Variants in CDK17 observed in about 807,000 individuals in gnomAD.
The protein encoded by CDK17 is cyclin dependent kinase 17.
Under a neutral mutation model 77.6 loss-of-function variants are expected in CDK17, and 24 were observed. That is an observed-to-expected ratio of 0.31 (90% CI 0.22 to 0.44). CDK17 has a LOEUF of 0.44. Ranked by LOEUF, CDK17 falls within the 20% of genes least tolerant of loss-of-function variation. The probability of loss-of-function intolerance (pLI) is 1.00; values close to 1 mark genes in which losing one functional copy is unlikely to be tolerated. For missense variants in CDK17, 429 were observed against 622.5 expected, an observed-to-expected ratio of 0.69 and a Z score of 3.31; for synonymous variants, 203 against 210.4, an observed-to-expected ratio of 0.96 and a Z score of 0.30.
At chr12:96,304,430 G>A (rs1952550890) in intron 5 of CDK17, among the ~76,000 whole-genome samples, 1 of 152,058 alleles carries the variant, frequency 6.6e-6, no homozygotes, top group Non-Finnish European at 1.5e-5. Context: ...CCAGCTACTC[G>A]GGAGGCTGAG....
At chr12:96,361,687 C>A (rs1244951450) in intron 1 of CDK17, among the ~76,000 whole-genome samples, 1 of 151,962 alleles carries the variant, frequency 6.6e-6, no homozygotes, top group Non-Finnish European at 1.5e-5. Flanking sequence ...AAAGAATGAC[C>A]CTTCTGTCCT....
At chr12:96,287,748 C>T (rs192625494) in intron 11 of CDK17, among the ~76,000 whole-genome samples, 1 of 152,126 alleles carries the variant, frequency 6.6e-6, no homozygotes, top group East Asian at 1.9e-4. Flanking sequence ...TTACAATAGT[C>T]AAAAGGTGGA....
intron 5 of CDK17, among the ~76,000 whole-genome samples, chr12:96,309,076 T>C (rs961394772): frequency 6.6e-6 from 1 of 152,200 alleles, no homozygotes; most frequent in Non-Finnish European, 1.5e-5. Context: ...GTCTTCTCAT[T>C]ACATGGGAAG....
At chr12:96,329,027 G>T (rs994272693) in intron 2 of CDK17, among the ~76,000 whole-genome samples, 2 of 152,128 alleles carry the variant, frequency 1.3e-5, no homozygotes, top group African/African-American at 4.8e-5. Context: ...AATATGCTAA[G>T]GGAAATAAGT....
chr12:96,394,350 G>C (rs1954130170), intron 1 of CDK17, among the ~76,000 whole-genome samples: 2 of 152,050 alleles, frequency 1.3e-5, no homozygotes, highest in Admixed American at 1.3e-4. Flanking sequence ...AAGAATAGTA[G>C]ATTAATATGA....
At chr12:96,300,054 A>G (rs1472801297) in intron 6 of CDK17, among the ~76,000 whole-genome samples, 1 of 152,248 alleles carries the variant, frequency 6.6e-6, no homozygotes, top group African/African-American at 2.4e-5. Context: ...TTAAGAAAAC[A>G]TAATACTTTC....
chr12:96,372,002 AGTGTGTGTTT>A (rs1223660829), intron 1 of CDK17, among the ~76,000 whole-genome samples: 106 of 41,876 alleles, frequency 2.5e-3, no homozygotes, highest in South Asian at 0.015. Context: ...TGTGTGAGTG[AGTGTGTGTTT>A]GTGTGTGTGT....
chr12:96,312,414 T>C (rs1952656133), intron 4 of CDK17, among the ~76,000 whole-genome samples: 1 of 152,134 alleles, frequency 6.6e-6, no homozygotes, highest in African/African-American at 2.4e-5. Flanking sequence ...AAACAAATGA[T>C]TTTAAAAAAT....
chr12:96,361,213 G>T (rs1953488312), intron 1 of CDK17, among the ~76,000 whole-genome samples: 1 of 152,202 alleles, frequency 6.6e-6, no homozygotes, highest in African/African-American at 2.4e-5. Context: ...GGGATGTGAT[G>T]AAGATGGTTT....
At chr12:96,357,383 G>T (rs1330582327) in intron 1 of CDK17, among the ~76,000 whole-genome samples, 1 of 152,148 alleles carries the variant, frequency 6.6e-6, no homozygotes, top group Non-Finnish European at 1.5e-5. Context: ...AATCGCTTGA[G>T]CCCAGGAGTT....
At chr12:96,298,727 T>A (rs1170791932) in intron 7 of CDK17, 142 bp downstream of exon 7, 5 of 535,254 alleles carry the variant, frequency 9.3e-6, no homozygotes, top group Non-Finnish European at 1.3e-5. Context: ...CTTTGAGTAT[T>A]TGTTTTAGAA....
At chr12:96,390,316 G>A (rs1954047183) in intron 1 of CDK17, among the ~76,000 whole-genome samples, 1 of 150,738 alleles carries the variant, frequency 6.6e-6, no homozygotes, top group Non-Finnish European at 1.5e-5. Flanking sequence ...TTTTTTAGTA[G>A]AGACGGGTTT....
chr12:96,306,908 A>G (rs1952583562), intron 5 of CDK17, among the ~76,000 whole-genome samples: 1 of 152,238 alleles, frequency 6.6e-6, no homozygotes, highest in South Asian at 2.1e-4. Flanking sequence ...TTACTAAGGT[A>G]GATGAATAAT....
rs184560616 is a variant in CDK17, at chr12:96,342,102, C to T, written c.-29-7237G>A. Reference sequence around the variant, plus strand: ...TTATTGGGAAACTAAGATTATTCCACGTAATGTTGCTTTTGTCAGTCTTTC... The same window carrying T: ...TTATTGGGAAACTAAGATTATTCCATGTAATGTTGCTTTTGTCAGTCTTTC... On this transcript the variant is annotated intron_variant, in intron 1 of 16. Coordinates refer to ENST00000261211, the MANE Select transcript of CDK17 (RefSeq NM_002595.5). 6.0e-4 allele frequency among the ~76,000 whole-genome samples: 92 copies of T among 152,214 alleles called. 1 individual carries two copies. Among genetic ancestry groups the T allele is most frequent in the Admixed American group, 3.1e-3 (48 of 15,292 alleles).
At chr12:96,363,681 A>C (rs894765735) in intron 1 of CDK17, among the ~76,000 whole-genome samples, 2 of 151,900 alleles carry the variant, frequency 1.3e-5, no homozygotes, top group Non-Finnish European at 2.9e-5. Flanking sequence ...GCCTGTCTGT[A>C]CTAAAAAAAA....
chr12:96,354,666 G>C (rs1289454012), intron 1 of CDK17, among the ~76,000 whole-genome samples: 1 of 152,056 alleles, frequency 6.6e-6, no homozygotes, highest in Non-Finnish European at 1.5e-5. Flanking sequence ...AGCTGTTTGA[G>C]GCCAAGAGTT....
rs149719392 is a variant in CDK17, at chr12:96,373,392, A to G, written c.-30+26594T>C. Among the ~76,000 whole-genome samples, 764 of 152,158 alleles carry G rather than the reference A, an allele frequency of 5.0e-3. 6 individuals carry two copies. Among genetic ancestry groups the G allele is most frequent in the African/African-American group, 0.018 (738 of 41,502 alleles). ...CGGATAACCTGAGGTCAAGAGTTGG[A>G]TATCAGCCTGGCCAACATGGCGAAA... On this transcript the variant is annotated intron_variant, in intron 1 of 16. Coordinates refer to ENST00000261211, the MANE Select transcript of CDK17 (RefSeq NM_002595.5).
At chr12:96,315,163 C>G (rs1171516534) in intron 3 of CDK17, among the ~76,000 whole-genome samples, 4 of 152,092 alleles carry the variant, frequency 2.6e-5, no homozygotes, top group African/African-American at 9.7e-5. Flanking sequence ...ATGTGTGAGA[C>G]AATTGTATTT....
Position 96,321,703 on chromosome 12 carries a change from G to GC in CDK17, c.283+2244dup, listed in dbSNP as rs552863318. 9.8e-3 allele frequency among the ~76,000 whole-genome samples: 847 copies of GC among 86,644 alleles called. 7 individuals are homozygous for GC. Among genetic ancestry groups the GC allele is most frequent in the Middle Eastern group, 0.027 (6 of 226 alleles). 56.8% of individuals were successfully genotyped at this position (86,644 alleles called of 152,430 possible). A position where few individuals can be genotyped will look rare whatever the true frequency, so the allele number is the denominator to read the frequency against. On this transcript the variant is annotated intron_variant, in intron 3 of 16. Transcript: ENST00000261211. ...AAATCATCATTCTCAGTAAACTATC[G>GC]CAAGAACAAAAAACCAAACACCGCA...
Sources: gnomAD v4.1 joint callset for allele counts (sites outside exome capture counted in the v4.1 genomes callset) on GRCh38, gnomAD v4.1.1 for gene constraint, MANE v1.5 for transcripts, NCBI Gene and HGNC (gene_info 2026-07-23, HGNC 2026-07-21) for gene names.